The following PIP4P2 variants were observed in gnomAD, a reference collection of about 807,000 sequenced individuals.
The protein encoded by PIP4P2 is type 2 phosphatidylinositol 4,5-bisphosphate 4-phosphatase.
Under a neutral mutation model 33.3 loss-of-function variants are expected in PIP4P2, and 19 were observed. The observed-to-expected ratio is 0.57, with a 90% CI of 0.40 to 0.84. The LOEUF (loss-of-function observed/expected upper bound fraction) is 0.84, where lower values mean the gene tolerates loss of function less well. Among genes scored for constraint, PIP4P2 ranks in the 40% least tolerant of loss-of-function variants. The probability of loss-of-function intolerance (pLI) is 0.00; values close to 1 mark genes in which losing one functional copy is unlikely to be tolerated. For missense variants in PIP4P2, 270 were observed against 324.7 expected, an observed-to-expected ratio of 0.83 and a Z score of 1.29; for synonymous variants, 110 against 111.9, an observed-to-expected ratio of 0.98 and a Z score of 0.11.
intron 5 of PIP4P2, among the ~76,000 whole-genome samples, chr8:91,002,595 G>T (rs1811713677): frequency 6.6e-6 from 1 of 152,208 alleles, no homozygotes; most frequent in Admixed American, 6.5e-5. Context: ...AGCTTAAAAT[G>T]TGAATAGATG....
At chr8:91,018,029 C>G (rs1811943378) in intron 4 of PIP4P2, among the ~76,000 whole-genome samples, 1 of 152,084 alleles carries the variant, frequency 6.6e-6, no homozygotes, top group Non-Finnish European at 1.5e-5. Context: ...AGCCATGAAG[C>G]AAATCTACTG....
At chr8:91,020,065 T>A in intron 3 of PIP4P2, 92 bp downstream of exon 3, 1 of 1,276,434 alleles carries the variant, frequency 7.8e-7, no homozygotes, top group Non-Finnish European at 1.1e-6. Flanking sequence ...CAAAAACTCT[T>A]TCTAGAACAA....
chr8:90,996,678 A>T lies in PIP4P2; in HGVS notation c.606T>A (p.Cys202Ter). 6.2e-7 allele frequency: 1 copy of T among 1,609,732 alleles called. No homozygotes were observed. The highest frequency in any genetic ancestry group is 8.5e-7 in the Non-Finnish European group (1 of 1,177,802). The change falls in exon 6 of 7, where the codon TGT (cysteine) becomes TGA (stop). Residue 202 changes from cysteine to a stop codon, truncating the protein, a stop_gained. Coordinates refer to ENST00000285419, the MANE Select transcript of PIP4P2 (RefSeq NM_018710.3). LOFTEE classifies it high-confidence loss of function. ...CAGTTAACCCAACTCCAATGAAAATACATATCATTCCAATGGTAATATATG... is the reference window on the plus strand; with the variant it reads ...CAGTTAACCCAACTCCAATGAAAATTCATATCATTCCAATGGTAATATATG... ...CCAYITIGMI[C>*]IFIGVGLTVG...
At chr8:90,998,924 A>G (rs964835128) in intron 5 of PIP4P2, among the ~76,000 whole-genome samples, 4 of 151,978 alleles carry the variant, frequency 2.6e-5, no homozygotes, top group African/African-American at 7.2e-5. Context: ...TGAACAAATG[A>G]TATCTAATTA....
At chr8:91,030,541 A>G (rs1407233337) in intron 1 of PIP4P2, among the ~76,000 whole-genome samples, 1 of 152,218 alleles carries the variant, frequency 6.6e-6, no homozygotes, top group Non-Finnish European at 1.5e-5. Flanking sequence ...TTTATTACAT[A>G]TTAAATTTTT....
chr8:91,014,465 T>C (rs761508968), intron 4 of PIP4P2, among the ~76,000 whole-genome samples: 1 of 152,098 alleles, frequency 6.6e-6, no homozygotes, highest in Non-Finnish European at 1.5e-5. Context: ...ACCTGGAAGA[T>C]ATTATGTTAA....
At chr8:91,035,087 A>AT (rs1812217575) in intron 1 of PIP4P2, among the ~76,000 whole-genome samples, 1 of 152,220 alleles carries the variant, frequency 6.6e-6, no homozygotes, top group African/African-American at 2.4e-5. Flanking sequence ...CCAGGAGTCA[A>AT]TTTATTTTAT....
At chr8:91,025,672 T>C (rs1392704062) in intron 1 of PIP4P2, among the ~76,000 whole-genome samples, 6 of 152,214 alleles carry the variant, frequency 3.9e-5, no homozygotes, top group African/African-American at 1.4e-4. Context: ...GACGTCAGCT[T>C]AAAATGAGAG....
At chr8:91,014,171 C>G (rs756801192) in intron 4 of PIP4P2, among the ~76,000 whole-genome samples, 1 of 152,094 alleles carries the variant, frequency 6.6e-6, no homozygotes, top group Non-Finnish European at 1.5e-5. Flanking sequence ...GATGTTGAAA[C>G]TTAACTACCT....
chr8:91,024,391 T>G (rs904685044), intron 1 of PIP4P2: 2 of 394,112 alleles, frequency 5.1e-6, no homozygotes, highest in African/African-American at 4.2e-5. Flanking sequence ...ATAAGATTAT[T>G]AATTTAAATG....
intron 5 of PIP4P2, among the ~76,000 whole-genome samples, chr8:91,004,014 A>T (rs1189136521): frequency 6.9e-6 from 1 of 143,910 alleles, no homozygotes; most frequent in Non-Finnish European, 1.5e-5. Context: ...TAGATAGATG[A>T]AATAGATAAG....
rs111971792 is a variant in PIP4P2 at position 91,018,532 on chromosome 8, AAC to A, written c.363-21_363-20del. The A allele has an allele frequency of 0.084, 134,750 of 1,613,296 alleles. 6,208 individuals carry two copies. The highest frequency in any genetic ancestry group is 0.16 in the African/African-American group (12,276 of 74,956). ...CCGTCTACTGTGAAAAGAGAAAGGA[AAC>A]AACTTCACTATCCCACAAATGGACT... On this transcript the variant is annotated intron_variant, in intron 3 of 6. Coordinates refer to ENST00000285419, the MANE Select transcript of PIP4P2 (RefSeq NM_018710.3).
chr8:91,019,217 T>C (rs1347024960), intron 3 of PIP4P2, among the ~76,000 whole-genome samples: 1 of 151,256 alleles, frequency 6.6e-6, no homozygotes, highest in African/African-American at 2.4e-5. Context: ...TACACAAAAA[T>C]AACTAAAACA....
At chr8:91,005,049 A>G (rs1243757064) in intron 5 of PIP4P2, among the ~76,000 whole-genome samples, 2 of 152,238 alleles carry the variant, frequency 1.3e-5, no homozygotes, top group Non-Finnish European at 2.9e-5. Flanking sequence ...CCATGGCTAT[A>G]TTGATCCAAG....
chr8:91,033,938 C>T (rs1812202990), intron 1 of PIP4P2, among the ~76,000 whole-genome samples: 1 of 152,100 alleles, frequency 6.6e-6, no homozygotes, highest in South Asian at 2.1e-4. Context: ...AGCCGCAGTG[C>T]CCAGCCTCCT....
chr8:90,997,353 T>C (rs1442473744), intron 5 of PIP4P2, among the ~76,000 whole-genome samples: 1 of 152,126 alleles, frequency 6.6e-6, no homozygotes, highest in Non-Finnish European at 1.5e-5. Flanking sequence ...TCTACTATTG[T>C]ACATTAAAGT....
At chr8:91,040,427 C>CCACCACCACCACCACCAT (rs1322490273) in intron 1 of PIP4P2, among the ~76,000 whole-genome samples, 1 of 136,422 alleles carries the variant, frequency 7.3e-6, no homozygotes, top group Non-Finnish European at 1.6e-5. Flanking sequence ...ATCACCACCA[C>CCACCACCACCACCACCAT]CACCACCACC....
intron 1 of PIP4P2, among the ~76,000 whole-genome samples, chr8:91,023,357 A>G (rs182748431): frequency 6.0e-5 from 9 of 151,182 alleles, no homozygotes; most frequent in Admixed American, 3.3e-4. Flanking sequence ...AGTTTTATAA[A>G]GAAAACAAGG....
At chr8:90,998,880 A>C (rs1258951006) in intron 5 of PIP4P2, among the ~76,000 whole-genome samples, 1 of 152,104 alleles carries the variant, frequency 6.6e-6, no homozygotes, top group Non-Finnish European at 1.5e-5. Context: ...TTTCATGATG[A>C]TGACACCAAA....
Sources: allele counts gnomAD v4.1 joint callset (sites outside exome capture counted in the v4.1 genomes callset), GRCh38; gene constraint gnomAD v4.1.1; transcripts MANE v1.5; gene names NCBI Gene and HGNC (gene_info 2026-07-23, HGNC 2026-07-21).